ABCC9: variants seen among roughly 807,000 people sequenced by gnomAD.
ABCC9 encodes the protein ATP-binding cassette sub-family C member 9.
Under a neutral mutation model 188.3 loss-of-function variants are expected in ABCC9, and 95 were observed. The observed-to-expected ratio is 0.50, with a 90% CI of 0.43 to 0.60. The LOEUF is 0.60. ABCC9 is among the 20% of genes least tolerant of loss of function. ABCC9 has a pLI of 0.00. For missense variants in ABCC9, 1,102 were observed against 1,876.3 expected (o/e 0.59, Z 7.62); for synonymous variants, 659 against 652.7 (o/e 1.01, Z -0.15).
At position 21,809,934 on chromosome 12, in the gene ABCC9, G is replaced by A; in HGVS notation, c.4233C>T (p.Cys1411=). 1 of 1,610,954 alleles carries A rather than the reference G, an allele frequency of 6.2e-7. No individual in the cohort carries two copies. The highest frequency in any genetic ancestry group is 1.1e-5 in the South Asian group (1 of 91,016). ...CCCAGAGTCTGTCATCTGTGCATTT[G>A]CACTCTGGATCTAAATTAAATCTGT... is the stretch of plus-strand genomic sequence containing the variant. ...GSIRFNLDPE[C]KCTDDRLWEA... The change falls in exon 37 of 40, where the codon TGC becomes TGT. Residue 1411 remains cysteine (C), a synonymous_variant. Transcript: ENST00000261200.
chr12:21,804,147 C>T (rs923005096), intron 39 of ABCC9, among the ~76,000 whole-genome samples: 3 of 151,984 alleles, frequency 2.0e-5, no homozygotes, highest in African/African-American at 7.3e-5. Flanking sequence ...ATCCTAGTGG[C>T]CACGTTCACA....
chr12:21,823,293 A>G (rs755195031), intron 31 of ABCC9, among the ~76,000 whole-genome samples: 35 of 152,214 alleles, frequency 2.3e-4, no homozygotes, highest in African/African-American at 6.3e-4. Flanking sequence ...ACATCTATCT[A>G]TATTTGGAAT....
chr12:21,934,309 A>AG (rs1239708376), intron 3 of ABCC9, among the ~76,000 whole-genome samples: 1 of 152,088 alleles, frequency 6.6e-6, no homozygotes, highest in Non-Finnish European at 1.5e-5. Flanking sequence ...GAAATCTACA[A>AG]GGGGCTAAAT....
rs529504425 is a variant in ABCC9 at position 21,846,940 on chromosome 12, AAGTCTCTTAAGACTTGAGTTG to A, written c.2867-1129_2867-1109del. On this transcript the variant is annotated intron_variant, in intron 25 of 39. Transcript: ENST00000261200. ...AAACAGAAACAATACGTGCAACTCCAAGTCTCTTAAGACTTGAGTTGAGTCTCTTAAGACTCAACTCCTTTC... is the reference window on the plus strand; with the variant it reads ...AAACAGAAACAATACGTGCAACTCCAAGTCTCTTAAGACTCAACTCCTTTC... 4.0e-3 allele frequency among the ~76,000 whole-genome samples: 602 copies of A among 152,102 alleles called. 2 individuals carry two copies. Among genetic ancestry groups the A allele is most frequent in the Admixed American group, 8.4e-3 (128 of 15,276 alleles).
chr12:21,817,185 A>G lies in ABCC9; in HGVS notation c.3892+2T>C, dbSNP rs776082330. 1.2e-6 allele frequency: 2 copies of G among 1,613,180 alleles called. No individual in the cohort carries two copies. The highest frequency in any genetic ancestry group is 1.7e-6 in the Non-Finnish European group (2 of 1,179,478). ...TGAGACAAACAATATTTAGAGCAATACCCATTGTGCCTTCATAGTTCTCTG... is the reference window on the plus strand; with the variant it reads ...TGAGACAAACAATATTTAGAGCAATGCCCATTGTGCCTTCATAGTTCTCTG... On this transcript the variant is annotated splice_donor_variant, in intron 33 of 39. Coordinates refer to ENST00000261200, the MANE Select transcript of ABCC9 (RefSeq NM_020297.4). LOFTEE classifies it high-confidence loss of function.
Position 21,799,899 on chromosome 12 carries a change from C to T in ABCC9, c.*1145G>A, listed in dbSNP as rs1941351506. 1 of 152,082 alleles carries T rather than the reference C, an allele frequency of 6.6e-6. No homozygotes were observed. The highest frequency in any genetic ancestry group is 2.1e-4 in the South Asian group (1 of 4,816). 9.4% of individuals were successfully genotyped at this position (152,082 alleles called of 1,614,324 possible). Reference sequence around the variant, plus strand: ...TTTAAGCAAAACCTAACACTAATATCCCATCAATTTTTGATACACTCTTTA... The same window carrying T: ...TTTAAGCAAAACCTAACACTAATATTCCATCAATTTTTGATACACTCTTTA... On this transcript the variant is annotated 3_prime_UTR_variant, in exon 40 of 40. Transcript: ENST00000261200.
intron 12 of ABCC9, among the ~76,000 whole-genome samples, chr12:21,896,920 C>T (rs1947459100): frequency 6.6e-6 from 1 of 152,104 alleles, no homozygotes; most frequent in Non-Finnish European, 1.5e-5. Context: ...ATTTACATTC[C>T]TTTGGGTATA....
At chr12:21,840,669 G>C (rs1383996652) in intron 29 of ABCC9, among the ~76,000 whole-genome samples, 1 of 152,194 alleles carries the variant, frequency 6.6e-6, no homozygotes, top group Admixed American at 6.5e-5. Context: ...CCAGCAAGTA[G>C]ACCAGCAATA....
chr12:21,875,016 A>G (rs1946270413), intron 17 of ABCC9, among the ~76,000 whole-genome samples: 1 of 152,210 alleles, frequency 6.6e-6, no homozygotes, highest in Non-Finnish European at 1.5e-5. Context: ...ACAATATAGT[A>G]CTGTGTACTT....
chr12:21,890,807 C>T (rs558629591), intron 14 of ABCC9, among the ~76,000 whole-genome samples: 61 of 142,748 alleles, frequency 4.3e-4, no homozygotes, highest in African/African-American at 1.6e-3. Flanking sequence ...ACATCACACA[C>T]TGGGGACTGT....
At chr12:21,899,928 T>G (rs1947634923) in intron 12 of ABCC9, among the ~76,000 whole-genome samples, 1 of 152,156 alleles carries the variant, frequency 6.6e-6, no homozygotes, top group Non-Finnish European at 1.5e-5. Flanking sequence ...TCTGCAGACT[T>G]AAATGTCCCT....
chr12:21,860,887 A>G, intron 21 of ABCC9, 84 bp downstream of exon 21: 4 of 1,138,212 alleles, frequency 3.5e-6, no homozygotes, highest in Non-Finnish European at 5.2e-6. Context: ...CTCAAATTTC[A>G]TGATTCTCTA....
rs1488437504 is a variant in ABCC9, at chr12:21,841,342, GTTTCCTTTTTTTTT to G, written c.3473+958_3473+971del. On this transcript the variant is annotated intron_variant, in intron 29 of 39. Coordinates refer to ENST00000261200, the MANE Select transcript of ABCC9 (RefSeq NM_020297.4). ...CTTACTCTTTGGGATTATGTTTCTG[GTTTCCTTTTTTTTT>G]TTTTTTTTTTTTTTTTTTTTGAGAC... Among the ~76,000 whole-genome samples the G allele has an allele frequency of 4.3e-5, 5 of 115,188 alleles. 1 individual carries two copies. Among genetic ancestry groups the G allele is most frequent in the African/African-American group, 1.3e-4 (4 of 30,462 alleles). The allele number at this position is 115,188 out of a possible 152,430, so 75.6% of individuals were successfully genotyped here. A position where few individuals can be genotyped will look rare whatever the true frequency, so the allele number is the denominator to read the frequency against.
At chr12:21,862,081 C>G (rs996347037) in intron 20 of ABCC9, among the ~76,000 whole-genome samples, 1 of 152,086 alleles carries the variant, frequency 6.6e-6, no homozygotes, top group African/African-American at 2.4e-5. Flanking sequence ...CTGTTGATAT[C>G]TGTCCATTGT....
chr12:21,854,074 A>C (rs1450131964), intron 22 of ABCC9, among the ~76,000 whole-genome samples: 1 of 152,222 alleles, frequency 6.6e-6, no homozygotes, highest in Non-Finnish European at 1.5e-5. Context: ...ACATGTTGAG[A>C]TATCTAAAAA....
chr12:21,909,751 G>A (rs959632669), intron 10 of ABCC9, among the ~76,000 whole-genome samples: 3 of 151,858 alleles, frequency 2.0e-5, no homozygotes, highest in Admixed American at 1.3e-4. Context: ...CATGAATCGA[G>A]GCAATAATAC....
intron 31 of ABCC9, among the ~76,000 whole-genome samples, chr12:21,827,717 T>C (rs967004086): frequency 6.6e-6 from 1 of 152,220 alleles, no homozygotes; most frequent in African/African-American, 2.4e-5. Flanking sequence ...CAAGAAACTC[T>C]GTCCTGCCTT....
At chr12:21,861,456 A>T (rs1945503181) in intron 20 of ABCC9, among the ~76,000 whole-genome samples, 1 of 151,992 alleles carries the variant, frequency 6.6e-6, no homozygotes, top group Non-Finnish European at 1.5e-5. Context: ...GGTTTCGAAC[A>T]TCTGAACTTA....
intron 15 of ABCC9, 89 bp from the exon 16 acceptor site, chr12:21,882,962 T>C (rs1388765279): frequency 1.0e-6 from 1 of 987,844 alleles, no homozygotes; most frequent in East Asian, 2.4e-5. Context: ...CTACCTAAGT[T>C]CCAAGAAAAA....
Sources: gnomAD v4.1 joint callset for allele counts (sites outside exome capture counted in the v4.1 genomes callset) on GRCh38, gnomAD v4.1.1 for gene constraint, MANE v1.5 for transcripts, NCBI Gene and HGNC (gene_info 2026-07-23, HGNC 2026-07-21) for gene names.